ANO10: variants seen among roughly 807,000 people sequenced by gnomAD.
ANO10 encodes the protein anoctamin 10.
A neutral mutation model predicts 74.7 loss-of-function variants in ANO10; 77 were observed. That is an observed-to-expected ratio of 1.03 (90% CI 0.86 to 1.25). The LOEUF is 1.25. ANO10 is among the 50% of genes most tolerant of loss of function. The pLI, the probability that ANO10 is intolerant of heterozygous loss-of-function variation, is 0.00. For synonymous variants in ANO10, 279 were observed against 284.9 expected (o/e 0.98, Z 0.21); for missense variants, 721 against 778.1 (o/e 0.93, Z 0.87).
intron 12 of ANO10, among the ~76,000 whole-genome samples, chr3:43,386,078 T>C (rs113530512): frequency 0.016 from 2,366 of 151,992 alleles, 41 homozygotes; most frequent in African/African-American, 0.043. Context: ...GAATAAACTG[T>C]CCTGTTGCTC....
intron 12 of ANO10, among the ~76,000 whole-genome samples, chr3:43,392,166 T>TA (rs5848662): frequency 0.17 from 25,144 of 151,600 alleles, 2,251 homozygotes; most frequent in Admixed American, 0.22. Flanking sequence ...TCACTGACTT[T>TA]AAAAAAAAAT....
chr3:43,410,878 T>C (rs1398347458), intron 12 of ANO10, among the ~76,000 whole-genome samples: 1 of 152,078 alleles, frequency 6.6e-6, no homozygotes, highest in African/African-American at 2.4e-5. Context: ...TGTTTTCAGA[T>C]GGAGAATATG....
intron 12 of ANO10, among the ~76,000 whole-genome samples, chr3:43,385,876 T>C (rs771691068): frequency 6.6e-6 from 1 of 152,132 alleles, no homozygotes; most frequent in African/African-American, 2.4e-5. Flanking sequence ...CTTATTTATG[T>C]AACCAAACAC....
intron 11 of ANO10, among the ~76,000 whole-genome samples, chr3:43,446,380 T>G (rs2093246276): frequency 6.6e-6 from 1 of 152,188 alleles, no homozygotes; most frequent in African/African-American, 2.4e-5. Context: ...ATGAAAGAAG[T>G]AAAGCCAACT....
At chr3:43,463,596 A>G (rs767426457) in intron 11 of ANO10, among the ~76,000 whole-genome samples, 1 of 152,152 alleles carries the variant, frequency 6.6e-6, no homozygotes, top group African/African-American at 2.4e-5. Context: ...TTGTTTTGGC[A>G]AATTTCTCCC....
chr3:43,643,042 T>TC (rs888506473), intron 1 of ANO10, among the ~76,000 whole-genome samples: 1 of 151,832 alleles, frequency 6.6e-6, no homozygotes, highest in Non-Finnish European at 1.5e-5. Context: ...TTTTCTTTTT[T>TC]TTTTTTTGAG....
At chr3:43,370,078 T>C (rs2091553507) in intron 12 of ANO10, among the ~76,000 whole-genome samples, 1 of 152,116 alleles carries the variant, frequency 6.6e-6, no homozygotes, top group Non-Finnish European at 1.5e-5. Flanking sequence ...AATATCCCAT[T>C]TGTTTTCCAG....
At chr3:43,503,640 G>A (rs149197017) in intron 11 of ANO10, among the ~76,000 whole-genome samples, 7 of 152,244 alleles carry the variant, frequency 4.6e-5, no homozygotes, top group South Asian at 4.1e-4. Context: ...CATAAAAAAC[G>A]AATTTACTCA....
At chr3:43,612,748 T>A (rs1001038561) in intron 1 of ANO10, among the ~76,000 whole-genome samples, 10 of 152,184 alleles carry the variant, frequency 6.6e-5, no homozygotes, top group African/African-American at 2.4e-4. Context: ...GAAATCATAA[T>A]CTTGCAGCAA....
intron 1 of ANO10, among the ~76,000 whole-genome samples, chr3:43,678,268 C>T (rs552444313): frequency 9.2e-5 from 14 of 152,236 alleles, no homozygotes; most frequent in Admixed American, 4.6e-4. Flanking sequence ...GGCATTCGAA[C>T]GGTTTCTACT....
At chr3:43,459,734 T>C (rs1394968952) in intron 11 of ANO10, among the ~76,000 whole-genome samples, 1 of 152,096 alleles carries the variant, frequency 6.6e-6, no homozygotes, top group Non-Finnish European at 1.5e-5. Flanking sequence ...GGGCCTCAGA[T>C]GGTAGGAGTT....
intron 11 of ANO10, among the ~76,000 whole-genome samples, chr3:43,513,497 A>G (rs2149189700): frequency 6.6e-6 from 1 of 152,180 alleles, no homozygotes; most frequent in South Asian, 2.1e-4. Context: ...TCACACACAA[A>G]CACACACTTC....
Position 43,565,656 on chromosome 3 carries a change from G to T in ANO10, c.1290C>A (p.Arg430=). The T allele has an allele frequency of 6.3e-7, 1 of 1,576,866 alleles. No homozygotes were observed. Reference sequence around the variant, plus strand: ...TTTTTCTGTTATTTTTACTTACCTGGCGCAAAAGCTTCATATCTTTCAAGA... The same window carrying T: ...TTTTTCTGTTATTTTTACTTACCTGTCGCAAAAGCTTCATATCTTTCAAGA... ...AFVLKDMKLL[R]QSLATLLITS... Residue 430 remains arginine (R), a synonymous_variant, in exon 8 of 13, where the codon CGC becomes CGA. Coordinates refer to ENST00000292246, the MANE Select transcript of ANO10 (RefSeq NM_018075.5).
At chr3:43,447,797 G>A (rs940354413) in intron 11 of ANO10, among the ~76,000 whole-genome samples, 3 of 152,106 alleles carry the variant, frequency 2.0e-5, no homozygotes, top group South Asian at 2.1e-4. Context: ...CTATTATTAA[G>A]GTCTAACATT....
At chr3:43,448,652 ACATCCATCTG>A (rs2093283685) in intron 11 of ANO10, among the ~76,000 whole-genome samples, 1 of 152,212 alleles carries the variant, frequency 6.6e-6, no homozygotes, top group Non-Finnish European at 1.5e-5. Context: ...GCTGCTATAA[ACATCCATCTG>A]CAGGTTTGTG....
At chr3:43,623,017 C>T (rs1476503695), upstream of ANO10, among the ~76,000 whole-genome samples, 1 of 152,296 alleles carries the variant, frequency 6.6e-6, no homozygotes, top group East Asian at 1.9e-4. Flanking sequence ...AGGCGCGCAC[C>T]ATCATGCCCA....
At chr3:43,422,772 T>G (rs1302411248) in intron 12 of ANO10, among the ~76,000 whole-genome samples, 1 of 152,226 alleles carries the variant, frequency 6.6e-6, no homozygotes, top group Non-Finnish European at 1.5e-5. Context: ...ATATATAAAT[T>G]TTACAGTTTG....
intron 11 of ANO10, among the ~76,000 whole-genome samples, chr3:43,440,287 GA>G (rs1346133086): frequency 6.6e-6 from 1 of 151,826 alleles, no homozygotes; most frequent in Admixed American, 6.6e-5. Context: ...CCAACAAGAA[GA>G]AGATCCAATT....
At chr3:43,532,467 TA>T (rs1221049703) in intron 11 of ANO10, among the ~76,000 whole-genome samples, 3 of 152,254 alleles carry the variant, frequency 2.0e-5, no homozygotes, top group Non-Finnish European at 1.5e-5. Context: ...AAGGAGGCTA[TA>T]CAACTGTTCA....
Sources: gnomAD v4.1 joint callset for allele counts (sites outside exome capture counted in the v4.1 genomes callset) on GRCh38, gnomAD v4.1.1 for gene constraint, MANE v1.5 for transcripts, NCBI Gene and HGNC (gene_info 2026-07-23, HGNC 2026-07-21) for gene names.